The following DIXDC1 variants were observed in gnomAD, a reference collection of about 807,000 sequenced individuals.
DIXDC1 encodes DIX domain containing 1, also known as dixin.
A neutral mutation model predicts 103.1 loss-of-function variants in DIXDC1; 64 were observed. The observed-to-expected ratio is 0.62, with a 90% confidence interval of 0.51 to 0.76. The LOEUF (loss-of-function observed/expected upper bound fraction) is 0.76, where lower values mean the gene tolerates loss of function less well. DIXDC1 is among the 30% of genes least tolerant of loss of function. The probability of loss-of-function intolerance (pLI) is 0.00; values close to 1 mark genes in which losing one functional copy is unlikely to be tolerated. For missense variants in DIXDC1, 759 were observed against 834.2 expected (o/e 0.91, Z 1.11); for synonymous variants, 266 against 298.5 (o/e 0.89, Z 1.12).
chr11:111,928,245 T>C (rs137883024), intron 1 of DIXDC1, among the ~76,000 whole-genome samples: 1 of 151,904 alleles, frequency 6.6e-6, no homozygotes, highest in Non-Finnish European at 1.5e-5. Context: ...CTGTAGCCTA[T>C]TTTCTATATA....
intron 14 of DIXDC1, 91 bp downstream of exon 14, chr11:111,993,831 TTGTTTGTTAGGAGG>T (rs1555174962): frequency 6.9e-7 from 1 of 1,457,582 alleles, no homozygotes; most frequent in East Asian, 2.4e-5. Flanking sequence ...GGCCACAGGC[TTGTTTGTTAGGAGG>T]CTCTATGATG....
chr11:111,988,993 T>C lies in DIXDC1; in HGVS notation c.1063-12T>C, dbSNP rs782548141. On this transcript the variant is annotated splice_polypyrimidine_tract_variant and intron_variant, in intron 9 of 19. Coordinates refer to ENST00000440460, the MANE Select transcript of DIXDC1 (RefSeq NM_001037954.4). ...GATGTCACCATCTGATCTAACTATA[T>C]TTGGTTTGCAGAAGGAACTGCTGAA... 6.8e-6 allele frequency: 11 copies of C among 1,609,328 alleles called. No homozygotes were observed. In the South Asian group the frequency reaches 1.2e-4, roughly 18 times the overall value.
chr11:111,996,349 C>A, intron 17 of DIXDC1: 1 of 439,976 alleles, frequency 2.3e-6, no homozygotes, highest in Non-Finnish European at 4.0e-6. Flanking sequence ...CATTTAGCCA[C>A]GTGCAGGCAG....
chr11:111,951,244 G>A (rs1592555124), intron 1 of DIXDC1, among the ~76,000 whole-genome samples: 1 of 152,106 alleles, frequency 6.6e-6, no homozygotes, highest in East Asian at 1.9e-4. Flanking sequence ...AATTTCTATA[G>A]AAGAATTAGA....
intron 1 of DIXDC1, among the ~76,000 whole-genome samples, chr11:111,955,815 C>CA (rs1859334548): frequency 9.2e-6 from 1 of 109,032 alleles, no homozygotes; most frequent in African/African-American, 3.8e-5. Flanking sequence ...GCCTAGGTGA[C>CA]AGAGTGAGAC....
At chr11:111,997,153 G>A (rs1860927832) in intron 17 of DIXDC1, among the ~76,000 whole-genome samples, 2 of 152,136 alleles carry the variant, frequency 1.3e-5, no homozygotes, top group East Asian at 3.8e-4. Context: ...AAACAGTTTT[G>A]TATGTTACAT....
At chr11:111,975,273 A>T (rs1192330873) in intron 5 of DIXDC1, 2 of 1,214,566 alleles carry the variant, frequency 1.6e-6, no homozygotes, top group Admixed American at 3.5e-5. Flanking sequence ...GGCCCAGTCC[A>T]GTGGTTCTGA....
intron 19 of DIXDC1, 102 bp from the exon 20 acceptor site, chr11:112,018,854 G>C (rs1861674698): frequency 1.0e-6 from 1 of 958,412 alleles, no homozygotes; most frequent in Non-Finnish European, 1.6e-6. Flanking sequence ...CTTAACTCAA[G>C]GCTTTCTTCT....
chr11:111,976,456 T>A lies in DIXDC1; in HGVS notation c.656+1473T>A, dbSNP rs1555172615. 6.6e-6 allele frequency among the ~76,000 whole-genome samples: 1 copy of A among 152,182 alleles called. No individual in the cohort carries two copies. The highest frequency in any genetic ancestry group is 1.5e-5 in the Non-Finnish European group (1 of 68,028). Reference sequence around the variant, plus strand: ...TTTGCTTTACCCTGTTTTTCACTACTGGATTTTGACATTTTCTTCTAATGC... The same window carrying A: ...TTTGCTTTACCCTGTTTTTCACTACAGGATTTTGACATTTTCTTCTAATGC... On this transcript the variant is annotated intron_variant, in intron 5 of 19. Coordinates refer to ENST00000440460, the MANE Select transcript of DIXDC1 (RefSeq NM_001037954.4). The surrounding 1 kb of genome is among the most constrained non-coding windows in gnomAD (Gnocchi z 4.3).
At chr11:112,000,720 C>T (rs1165938558) in intron 17 of DIXDC1, among the ~76,000 whole-genome samples, 1 of 149,004 alleles carries the variant, frequency 6.7e-6, no homozygotes, top group Admixed American at 6.7e-5. Context: ...GGCCAATAAA[C>T]CCAAGAAAAG....
intron 5 of DIXDC1, 83 bp downstream of exon 5, chr11:111,975,066 A>T: frequency 6.5e-7 from 1 of 1,543,160 alleles, no homozygotes; most frequent in Non-Finnish European, 8.7e-7. Flanking sequence ...GCAAAAAGGC[A>T]CCTAAGCCCT....
At chr11:111,975,132 G>A in intron 5 of DIXDC1, 149 bp downstream of exon 5, 2 of 1,451,576 alleles carry the variant, frequency 1.4e-6, no homozygotes, top group Non-Finnish European at 9.1e-7. Flanking sequence ...GCAGTGCTTT[G>A]TGGGTTTGTG....
chr11:112,006,468 G>A (rs587642217), intron 17 of DIXDC1, among the ~76,000 whole-genome samples: 18 of 152,334 alleles, frequency 1.2e-4, no homozygotes, highest in Non-Finnish European at 2.1e-4. Context: ...TCTGAGAACG[G>A]ACAGACTGCC....
At chr11:111,935,073 T>C (rs1966149533), upstream of DIXDC1, among the ~76,000 whole-genome samples, 1 of 152,240 alleles carries the variant, frequency 6.6e-6, no homozygotes, top group South Asian at 2.1e-4. Flanking sequence ...TGTATAGTTA[T>C]AGACTTTTAG....
At position 112,022,634 on chromosome 11, in the gene DIXDC1, G is replaced by T. The variant is rs1294916982; in HGVS notation, c.*3598G>T. On this transcript the variant is annotated 3_prime_UTR_variant, in exon 20 of 20. Coordinates refer to ENST00000440460, the MANE Select transcript of DIXDC1 (RefSeq NM_001037954.4). This position sits in a 1 kb window ranked among gnomAD's most constrained non-coding sequence, Gnocchi z 4.9. ...TTTACTGATGAGATTAATCAATAAA[G>T]CCATTTACATTTAGTGAAAGCAAAT... 1 of 152,606 alleles carries T rather than the reference G, an allele frequency of 6.6e-6. No homozygotes were observed. The highest frequency in any genetic ancestry group is 2.4e-5 in the African/African-American group (1 of 41,432). The allele number at this position is 152,606 out of a possible 1,614,324, so 9.5% of individuals were successfully genotyped here.
intron 17 of DIXDC1, among the ~76,000 whole-genome samples, chr11:111,996,866 T>G (rs1860916606): frequency 6.6e-6 from 1 of 152,086 alleles, no homozygotes; most frequent in African/African-American, 2.4e-5. Context: ...AAATAAAAAC[T>G]TTGAGTGCTT....
intron 1 of DIXDC1, among the ~76,000 whole-genome samples, chr11:111,945,039 G>A (rs75811896): frequency 0.042 from 6,394 of 152,262 alleles, 445 homozygotes; most frequent in African/African-American, 0.14. Context: ...GGGATAGGAA[G>A]TGGACGTTAT....
chr11:112,011,589 G>A (rs112937204), intron 17 of DIXDC1, among the ~76,000 whole-genome samples: 2 of 152,174 alleles, frequency 1.3e-5, no homozygotes, highest in Non-Finnish European at 2.9e-5. Context: ...TTAAGAAAAT[G>A]TGGCACATAT....
chr11:111,973,722 C>T (rs1555172290), intron 3 of DIXDC1, among the ~76,000 whole-genome samples: 2 of 152,192 alleles, frequency 1.3e-5, no homozygotes, highest in African/African-American at 4.8e-5. Flanking sequence ...TCAATCAAGT[C>T]TCAGTTTAGA....
Sources: allele counts gnomAD v4.1 joint callset (sites outside exome capture counted in the v4.1 genomes callset), GRCh38; gene constraint gnomAD v4.1.1; non-coding constraint Gnocchi (gnomAD v3.1); transcripts MANE v1.5; gene names NCBI Gene and HGNC (gene_info 2026-07-23, HGNC 2026-07-21).